Variants in RBCK1 observed in about 807,000 individuals in gnomAD.
The protein encoded by RBCK1 is ranBP-type and C3HC4-type zinc finger-containing protein 1.
RBCK1 carries 44 observed loss-of-function variants against 71.1 expected under a neutral mutation model. The observed-to-expected ratio is 0.62, with a 90% CI of 0.49 to 0.80. RBCK1 has a LOEUF of 0.80. Ranked by LOEUF, RBCK1 falls within the 30% of genes least tolerant of loss-of-function variation. RBCK1 has a pLI of 0.00. For synonymous variants in RBCK1, 306 were observed against 279.7 expected, an observed-to-expected ratio of 1.09 and a Z score of -0.94; for missense variants, 569 against 685.0, an observed-to-expected ratio of 0.83 and a Z score of 1.89.
chr20:420,138 C>A (rs1240834565), intron 6 of RBCK1: 1 of 984,958 alleles, frequency 1.0e-6, no homozygotes. Flanking sequence ...CCTGCTCCAC[C>A]TCGCCGTGAC....
Position 420,856 on chromosome 20 carries a change from G to C in RBCK1, c.757-15G>C, listed in dbSNP as rs200457271. 2,797 of 1,466,792 alleles carry C rather than the reference G, an allele frequency of 1.9e-3. 46 individuals carry two copies. The African/African-American group carries it at 0.038, about 20-fold the overall frequency. 90.9% of individuals were successfully genotyped at this position (1,466,792 alleles called of 1,614,324 possible). On this transcript the variant is annotated splice_polypyrimidine_tract_variant and intron_variant, in intron 6 of 11. Coordinates refer to ENST00000356286, the MANE Select transcript of RBCK1 (RefSeq NM_031229.4). ...AGGCCCTGACCCGCCCCGTGGCCCC[G>C]CCCCGTGTGCCCAGCGGAAGCAGCA...
chr20:418,579 A>G (rs2316404), intron 4 of RBCK1, among the ~76,000 whole-genome samples: 68,410 of 151,400 alleles, frequency 0.45, 16,992 homozygotes, highest in Non-Finnish European at 0.56. Flanking sequence ...CGTGTTAGCC[A>G]GGATGGTCTC....
intron 1 of RBCK1, 70 bp downstream of exon 1, chr20:408,849 C>A (rs376791021): frequency 3.8e-6 from 6 of 1,562,760 alleles, no homozygotes; most frequent in Non-Finnish European, 5.2e-6. Flanking sequence ...TGGCCTTGCC[C>A]CTGGCCAGAA....
rs1433649979 is a variant in RBCK1, at chr20:410,040, G to C, written c.167+15G>C. On this transcript the variant is annotated intron_variant, in intron 2 of 11. Coordinates refer to ENST00000356286, the MANE Select transcript of RBCK1 (RefSeq NM_031229.4). The stretch of plus-strand genomic sequence containing the variant: ...CAGGACATCAGGTGAGGAGTGCATG[G>C]CTGGCCTGAACCCAAGGGACAGCAG... 2 of 1,611,532 alleles carry C rather than the reference G, an allele frequency of 1.2e-6. No individual in the cohort carries two copies. Among genetic ancestry groups the C allele is most frequent in the South Asian group, 2.2e-5 (2 of 90,912 alleles).
chr20:410,866 T>C, intron 2 of RBCK1: 1 of 292,014 alleles, frequency 3.4e-6, no homozygotes, highest in East Asian at 6.4e-5. Flanking sequence ...CTTAAAACAG[T>C]TTTATTTATT....
At chr20:429,368 A>G (rs1430385837) in intron 11 of RBCK1, among the ~76,000 whole-genome samples, 1 of 152,038 alleles carries the variant, frequency 6.6e-6, no homozygotes, top group Admixed American at 6.6e-5. Flanking sequence ...CTGGGATTAC[A>G]GGCATGCGCC....
chr20:410,140 C>G, intron 2 of RBCK1, 115 bp downstream of exon 2: 1 of 1,158,276 alleles, frequency 8.6e-7, no homozygotes, highest in Non-Finnish European at 1.2e-6. Flanking sequence ...GCTTCTAACC[C>G]TAGTTATGTC....
Position 421,044 on chromosome 20 carries a change from G to C in RBCK1, c.917+13G>C. The C allele has an allele frequency of 6.5e-7, 1 of 1,534,698 alleles. No homozygotes were observed. The highest frequency in any genetic ancestry group is 8.8e-7 in the Non-Finnish European group (1 of 1,137,416). On this transcript the variant is annotated intron_variant, in intron 7 of 11. Coordinates refer to ENST00000356286, the MANE Select transcript of RBCK1 (RefSeq NM_031229.4). ...ACACCTTCTGCAGGTGCGGCCCCCA[G>C]TCCCACCCCCGGCAATGCAGCTTAA...
In RBCK1 at chr20:416,772, G is replaced by A. The variant is rs192777750; in HGVS notation, c.168-754G>A. On this transcript the variant is annotated intron_variant, in intron 2 of 11. Coordinates refer to ENST00000356286, the MANE Select transcript of RBCK1 (RefSeq NM_031229.4). The stretch of plus-strand genomic sequence containing the variant: ...CCCACTTCGGGAGGCCAAGGCAGGA[G>A]GATCACTTGAGGCCAAGAGTTCAAG... Among the ~76,000 whole-genome samples the A allele has an allele frequency of 3.9e-5, 6 of 152,296 alleles. No homozygotes were observed. In the East Asian group the frequency reaches 9.6e-4, roughly 24 times the overall value.
rs2122330147 is a variant in RBCK1, at chr20:428,103, C to T, written c.1210-388C>T. On this transcript the variant is annotated intron_variant, in intron 9 of 11. Transcript: ENST00000356286. This position sits in a 1 kb window ranked among gnomAD's most constrained non-coding sequence, Gnocchi z 5.7. ...GTCTGGAGCCTGGTCTCAGACTCAG[C>T]CTGAGCAAGCTCAGTCTGGGGTCAT... 6.6e-6 allele frequency among the ~76,000 whole-genome samples: 1 copy of T among 152,298 alleles called. No individual in the cohort carries two copies. Among genetic ancestry groups the T allele is most frequent in the African/African-American group, 2.4e-5 (1 of 41,566 alleles).
Position 429,183 on chromosome 20 carries a change from T to A in RBCK1, c.1452+89T>A, listed in dbSNP as rs1011894507. 7 of 1,479,812 alleles carry A rather than the reference T, an allele frequency of 4.7e-6. No individual in the cohort carries two copies. In the South Asian group the frequency reaches 9.6e-5, roughly 20 times the overall value. 91.7% of individuals were successfully genotyped at this position (1,479,812 alleles called of 1,614,324 possible). On this transcript the variant is annotated intron_variant, in intron 11 of 11. Coordinates refer to ENST00000356286, the MANE Select transcript of RBCK1 (RefSeq NM_031229.4). ...TGGGAAAACTACAGCCCATGGGCCA[T>A]ATCCAACCCAGCACCTGAATTTGTA... is the stretch of plus-strand genomic sequence containing the variant.
intron 2 of RBCK1, among the ~76,000 whole-genome samples, chr20:414,426 C>A (rs1395075328): frequency 6.6e-6 from 1 of 152,140 alleles, no homozygotes; most frequent in Non-Finnish European, 1.5e-5. Context: ...AAGCCATTGG[C>A]TGTACACCTA....
chr20:415,346 T>G (rs2015924122), intron 2 of RBCK1, among the ~76,000 whole-genome samples: 2 of 146,656 alleles, frequency 1.4e-5, no homozygotes, highest in Middle Eastern at 6.8e-3. Flanking sequence ...CCATCCTGGG[T>G]GACAGAAGTG....
In RBCK1 at chr20:417,013, A is replaced by G. The variant is rs943171750; in HGVS notation, c.168-513A>G. Among the ~76,000 whole-genome samples, 3 of 152,060 alleles carry G rather than the reference A, an allele frequency of 2.0e-5. No homozygotes were observed. Among genetic ancestry groups the G allele is most frequent in the Non-Finnish European group, 2.9e-5 (2 of 68,000 alleles). On this transcript the variant is annotated intron_variant, in intron 2 of 11. Coordinates refer to ENST00000356286, the MANE Select transcript of RBCK1 (RefSeq NM_031229.4). This position sits in a 1 kb window ranked among gnomAD's most constrained non-coding sequence, Gnocchi z 4.7. ...CTTAAAATTAAATCAAGACATACAA[A>G]TGAATCCTGCCTCTAACAGTTATTA...
chr20:420,257 C>T (rs1262146149), intron 6 of RBCK1: 1 of 984,958 alleles, frequency 1.0e-6, no homozygotes, highest in East Asian at 1.1e-4. Context: ...GGGATGACCC[C>T]CGACCCCGGT....
chr20:417,644 A>G lies in RBCK1; in HGVS notation c.261+25A>G. 1 of 1,609,774 alleles carries G rather than the reference A, an allele frequency of 6.2e-7. No individual in the cohort carries two copies. Among genetic ancestry groups the G allele is most frequent in the Admixed American group, 1.7e-5 (1 of 59,940 alleles). ...GGTGAGTGAGGAGGCGGAGGGCGAC[A>G]CTGGGGTGAAGGCTCTCCCTTTCAC... On this transcript the variant is annotated intron_variant, in intron 3 of 11. Transcript: ENST00000356286. The surrounding 1 kb of genome is among the most constrained non-coding windows in gnomAD (Gnocchi z 4.7).
chr20:414,557 G>C (rs534076855), intron 2 of RBCK1, among the ~76,000 whole-genome samples: 40 of 152,342 alleles, frequency 2.6e-4, no homozygotes, highest in Admixed American at 9.8e-4. Flanking sequence ...CACATTGGAT[G>C]AGAGAGCTCC....
chr20:420,540 C>T, intron 6 of RBCK1: 1 of 983,356 alleles, frequency 1.0e-6, no homozygotes, highest in Non-Finnish European at 1.2e-6. Context: ...CCCTTCCTTA[C>T]CTTGCTGCCA....
Position 420,969 on chromosome 20 carries a change from C to T in RBCK1, c.855C>T (p.Cys285=), listed in dbSNP as rs776856644. The T allele has an allele frequency of 1.2e-5, 18 of 1,561,806 alleles. No individual in the cohort carries two copies. The East Asian group carries it at 1.9e-4, about 17-fold the overall frequency. Residue 285 remains cysteine (C), a synonymous_variant, in exon 7 of 12, where the codon TGC becomes TGT. Coordinates refer to ENST00000356286, the MANE Select transcript of RBCK1 (RefSeq NM_031229.4). Reference sequence around the variant, plus strand: ...CGGAGCCCGCCGAGTGCCCCGTGTGCTACTCGGTGCTGGCGCCCGGCGAGG... The same window carrying T: ...CGGAGCCCGCCGAGTGCCCCGTGTGTTACTCGGTGCTGGCGCCCGGCGAGG... ...LNTEPAECPV[C]YSVLAPGEAV...
Sources: gnomAD v4.1 joint callset for allele counts (sites outside exome capture counted in the v4.1 genomes callset) on GRCh38, gnomAD v4.1.1 for gene constraint, Gnocchi (gnomAD v3.1) non-coding constraint, MANE v1.5 for transcripts, NCBI Gene and HGNC (gene_info 2026-07-23, HGNC 2026-07-21) for gene names.